Variants in DCDC2C observed in about 807,000 individuals in gnomAD.
DCDC2C encodes the protein doublecortin domain containing 2C, also known as doublecortin domain-containing protein 2C.
DCDC2C carries 44 observed loss-of-function variants against 45.0 expected under a neutral mutation model. The observed-to-expected ratio is 0.98, with a 90% CI of 0.77 to 1.26. The LOEUF (loss-of-function observed/expected upper bound fraction) is 1.26, where lower values mean the gene tolerates loss of function less well. Among genes scored for constraint, DCDC2C ranks in the 50% most tolerant of loss-of-function variants. The pLI, the probability that DCDC2C is intolerant of heterozygous loss-of-function variation, is 0.00. For synonymous variants in DCDC2C, 187 were observed against 178.8 expected (o/e 1.05, Z -0.37); for missense variants, 447 against 468.9 (o/e 0.95, Z 0.43).
At chr2:3,835,470 C>T (rs562232982) in intron 10 of DCDC2C, among the ~76,000 whole-genome samples, 2 of 152,134 alleles carry the variant, frequency 1.3e-5, no homozygotes, top group East Asian at 1.9e-4. Flanking sequence ...TGACATCAGG[C>T]GACATCCTGG....
At chr2:3,773,621 GTCT>G (rs944306344) in intron 8 of DCDC2C, among the ~76,000 whole-genome samples, 8 of 152,230 alleles carry the variant, frequency 5.3e-5, no homozygotes, top group African/African-American at 1.9e-4. Context: ...CAAAAGCAAG[GTCT>G]TCTTCCAGTG....
intron 10 of DCDC2C, among the ~76,000 whole-genome samples, chr2:3,837,782 T>C (rs1672117350): frequency 6.6e-6 from 1 of 152,148 alleles, no homozygotes; most frequent in Non-Finnish European, 1.5e-5. Context: ...TGGACCTTCC[T>C]CAGCCGGCCA....
intron 10 of DCDC2C, among the ~76,000 whole-genome samples, chr2:3,807,071 C>A (rs1478788117): frequency 7.7e-6 from 1 of 129,128 alleles, no homozygotes; most frequent in Admixed American, 8.4e-5. Flanking sequence ...ACTTTTTTTT[C>A]TTCAGAAAGC....
intron 3 of DCDC2C, among the ~76,000 whole-genome samples, chr2:3,737,982 A>G (rs1669079429): frequency 6.6e-6 from 1 of 152,166 alleles, no homozygotes; most frequent in Non-Finnish European, 1.5e-5. Context: ...ATTTAAATAA[A>G]CCATCTTATT....
intron 6 of DCDC2C, among the ~76,000 whole-genome samples, chr2:3,760,636 C>G (rs1669852654): frequency 6.6e-6 from 1 of 151,972 alleles, no homozygotes. Context: ...AATGAGAACA[C>G]ATGGACACAG....
intron 10 of DCDC2C, 135 bp downstream of exon 10, chr2:3,785,235 T>C: frequency 1.7e-6 from 1 of 579,198 alleles, no homozygotes; most frequent in Non-Finnish European, 2.5e-6. Flanking sequence ...TCATACACCC[T>C]AGCTCTATTT....
At chr2:3,767,426 C>T (rs1334094679) in intron 6 of DCDC2C, among the ~76,000 whole-genome samples, 5 of 152,208 alleles carry the variant, frequency 3.3e-5, no homozygotes, top group Non-Finnish European at 7.3e-5. Context: ...AGAGGCGCCT[C>T]CTTTGACTTG....
chr2:3,717,576 C>T (rs927849084), intron 2 of DCDC2C, among the ~76,000 whole-genome samples: 18 of 152,154 alleles, frequency 1.2e-4, no homozygotes, highest in South Asian at 2.1e-4. Flanking sequence ...AGTCCCATGC[C>T]TTCCGCTGGT....
In DCDC2C at chr2:3,710,097, T is replaced by C. The variant is rs139304877; in HGVS notation, c.339+1497T>C. ...AAAAATGTGATTATAAAAGTAGTTC[T>C]CATTGACAGAGGTGTCAAAAATACT... is the stretch of plus-strand genomic sequence containing the variant. On this transcript the variant is annotated intron_variant, in intron 2 of 10. Coordinates refer to ENST00000399143, the MANE Select transcript of DCDC2C (RefSeq NM_001287444.2). Among the ~76,000 whole-genome samples the C allele has an allele frequency of 1.5e-3, 236 of 152,334 alleles. 2 individuals carry two copies. Among genetic ancestry groups the C allele is most frequent in the African/African-American group, 5.5e-3 (227 of 41,572 alleles).
chr2:3,817,571 C>T (rs548505841), intron 10 of DCDC2C, among the ~76,000 whole-genome samples: 2 of 152,236 alleles, frequency 1.3e-5, no homozygotes, highest in South Asian at 4.1e-4. Flanking sequence ...ATTTTGAGGG[C>T]CTCTGAAAGT....
At chr2:3,799,785 G>A (rs2148200672) in intron 10 of DCDC2C, among the ~76,000 whole-genome samples, 1 of 152,394 alleles carries the variant, frequency 6.6e-6, no homozygotes, top group Admixed American at 6.5e-5. Flanking sequence ...GTCAGACAGG[G>A]ACATTTAAGT....
chr2:3,755,551 A>G (rs115074346), intron 6 of DCDC2C, among the ~76,000 whole-genome samples: 4,243 of 151,584 alleles, frequency 0.028, 82 homozygotes, highest in East Asian at 0.05. Flanking sequence ...GTAGGGATGT[A>G]TGTGTGTGCA....
At chr2:3,808,982 T>C (rs983328099) in intron 10 of DCDC2C, among the ~76,000 whole-genome samples, 1 of 152,236 alleles carries the variant, frequency 6.6e-6, no homozygotes, top group Non-Finnish European at 1.5e-5. Flanking sequence ...TTTCTGATTG[T>C]TCTTGTACCT....
chr2:3,742,078 AG>A, intron 4 of DCDC2C, 30 bp downstream of exon 4: 3 of 1,494,034 alleles, frequency 2.0e-6, no homozygotes, highest in South Asian at 2.7e-5. Flanking sequence ...TAGGACAGCC[AG>A]GGGGCGGCAG....
At chr2:3,831,904 G>A (rs758837989) in intron 10 of DCDC2C, among the ~76,000 whole-genome samples, 10 of 152,192 alleles carry the variant, frequency 6.6e-5, no homozygotes, top group Non-Finnish European at 1.2e-4. Flanking sequence ...AAAACCATGC[G>A]CGAATGGAAG....
At chr2:3,830,625 C>G (rs1055771500) in intron 10 of DCDC2C, among the ~76,000 whole-genome samples, 2 of 152,176 alleles carry the variant, frequency 1.3e-5, no homozygotes, top group Admixed American at 1.3e-4. Flanking sequence ...GGAAGCTGCA[C>G]CCCGTAGTCG....
intron 8 of DCDC2C, among the ~76,000 whole-genome samples, chr2:3,777,604 G>C (rs1670380454): frequency 1.3e-5 from 2 of 152,104 alleles, no homozygotes; most frequent in Admixed American, 1.3e-4. Context: ...TACGTGGTTT[G>C]AGCACTCACC....
intron 10 of DCDC2C, among the ~76,000 whole-genome samples, chr2:3,827,559 A>G (rs1301833842): frequency 6.6e-6 from 1 of 152,170 alleles, no homozygotes; most frequent in Non-Finnish European, 1.5e-5. Context: ...TTAATTGTTG[A>G]TATTACTTCA....
intron 3 of DCDC2C, among the ~76,000 whole-genome samples, chr2:3,730,911 C>T (rs903376701): frequency 2.6e-5 from 4 of 152,246 alleles, no homozygotes; most frequent in African/African-American, 9.6e-5. Flanking sequence ...TGAGCCTTTG[C>T]TGTGACTGTC....
Sources: allele counts gnomAD v4.1 joint callset (sites outside exome capture counted in the v4.1 genomes callset), GRCh38; gene constraint gnomAD v4.1.1; transcripts MANE v1.5; gene names NCBI Gene and HGNC (gene_info 2026-07-23, HGNC 2026-07-21).